Variants in DNA2 observed in about 807,000 individuals in gnomAD.
The protein encoded by DNA2 is DNA replication helicase/nuclease 2, also known as DNA replication ATP-dependent helicase/nuclease DNA2.
Under a neutral mutation model 119.1 loss-of-function variants are expected in DNA2, and 101 were observed. That is an observed-to-expected ratio of 0.85 (90% CI 0.72 to 1.00). The LOEUF (loss-of-function observed/expected upper bound fraction) is 1.00. Among genes scored for constraint, DNA2 ranks in the 50% least tolerant of loss-of-function variants. DNA2 has a pLI of 0.00. For synonymous variants in DNA2, 366 were observed against 424.4 expected (o/e 0.86, Z 1.69); for missense variants, 1,121 against 1,255.5 (o/e 0.89, Z 1.62).
intron 14 of DNA2, among the ~76,000 whole-genome samples, chr10:68,429,907 G>C (rs1176952470): frequency 7.7e-6 from 1 of 129,554 alleles, no homozygotes; most frequent in Non-Finnish European, 1.6e-5. Flanking sequence ...TTTTGAGCTG[G>C]AGTCTTGCAT....
intron 19 of DNA2, among the ~76,000 whole-genome samples, chr10:68,418,586 C>T (rs1316968679): frequency 6.6e-6 from 1 of 151,720 alleles, no homozygotes; most frequent in African/African-American, 2.4e-5. Context: ...ACCAGGTTCC[C>T]GCCCCTCACC....
chr10:68,430,440 C>T lies in DNA2; in HGVS notation c.2204G>A (p.Ser735Asn), dbSNP rs990660479. ...SLALLEELYNSQLIVATTCMG... is the reference protein window; with the variant it reads ...SLALLEELYNNQLIVATTCMG... ...TTATACAATAATTGTGCTTACTTGA[C>T]TATTGTAGAGTTCTTCTAGAAGAGC... is the stretch of plus-strand genomic sequence containing the variant. Residue 735 changes from serine to asparagine, a missense_variant, in exon 14 of 21, where the codon AGT (serine) becomes AAT (asparagine). Transcript: ENST00000358410. 4.4e-6 allele frequency: 7 copies of T among 1,585,950 alleles called. No homozygotes were observed. The East Asian group carries it at 1.6e-4, about 36-fold the overall frequency.
chr10:68,446,226 A>C, intron 7 of DNA2, 70 bp downstream of exon 7: 4 of 793,386 alleles, frequency 5.0e-6, no homozygotes, highest in Non-Finnish European at 8.3e-6. Flanking sequence ...GTCAGGTATA[A>C]ATATGTATCA....
intron 19 of DNA2, among the ~76,000 whole-genome samples, chr10:68,417,491 A>G (rs2051607432): frequency 6.6e-6 from 1 of 150,588 alleles, no homozygotes; most frequent in Non-Finnish European, 1.5e-5. Context: ...GGCTCTCTGC[A>G]AAAAATACAA....
At chr10:68,424,452 C>A in intron 14 of DNA2, 1 of 545,058 alleles carries the variant, frequency 1.8e-6, no homozygotes, top group Non-Finnish European at 3.3e-6. Context: ...TGCAGTGAGC[C>A]TTGATCATGC....
At chr10:68,452,363 G>A (rs1379132159) in intron 5 of DNA2, among the ~76,000 whole-genome samples, 1 of 151,938 alleles carries the variant, frequency 6.6e-6, no homozygotes, top group Non-Finnish European at 1.5e-5. Context: ...AAGATCCACT[G>A]CACTGGGTCT....
chr10:68,416,640 T>G, intron 20 of DNA2, 69 bp downstream of exon 20: 1 of 1,498,998 alleles, frequency 6.7e-7, no homozygotes, highest in Non-Finnish European at 9.2e-7. Flanking sequence ...AGAGCTTTAA[T>G]TTAAACAAGC....
At position 68,432,403 on chromosome 10, in the gene DNA2, G is replaced by GT. The variant is rs764343345; in HGVS notation, c.1753dup (p.Thr585AsnfsTer13). 1.9e-6 allele frequency: 3 copies of GT among 1,589,828 alleles called. No individual in the cohort carries two copies. Among genetic ancestry groups the GT allele is most frequent in the Non-Finnish European group, 2.6e-6 (3 of 1,163,322 alleles). ...GCTCATTGTTACAAACCTGACAAAC[G>GT]TGTTTTCCATCAATTTGGAAAGATT... is the stretch of plus-strand genomic sequence containing the variant. On this transcript the variant is annotated frameshift_variant, in exon 11 of 21. Coordinates refer to ENST00000358410, the MANE Select transcript of DNA2 (RefSeq NM_001080449.3). LOFTEE classifies it high-confidence loss of function.
chr10:68,456,477 C>T (rs903696809), intron 5 of DNA2, among the ~76,000 whole-genome samples: 2 of 152,134 alleles, frequency 1.3e-5, no homozygotes, highest in Non-Finnish European at 2.9e-5. Context: ...TGCAGTGGCA[C>T]GATCTCGGCT....
intron 7 of DNA2, among the ~76,000 whole-genome samples, chr10:68,445,447 G>A (rs1343879218): frequency 1.3e-5 from 2 of 151,812 alleles, no homozygotes; most frequent in Non-Finnish European, 2.9e-5. Context: ...TGGGTAACAA[G>A]AGCGAAACTC....
At chr10:68,450,741 G>A (rs974615672) in intron 5 of DNA2, among the ~76,000 whole-genome samples, 5 of 152,036 alleles carry the variant, frequency 3.3e-5, no homozygotes, top group East Asian at 1.9e-4. Context: ...CAATTATTAC[G>A]CAAATTAGTA....
intron 5 of DNA2, among the ~76,000 whole-genome samples, chr10:68,456,965 T>C (rs1255744963): frequency 1.3e-5 from 2 of 151,240 alleles, no homozygotes; most frequent in Non-Finnish European, 2.9e-5. Context: ...AAACCCCGGC[T>C]CTACTAAAAA....
chr10:68,441,157 AC>A (rs895494500), intron 9 of DNA2, among the ~76,000 whole-genome samples: 4 of 150,594 alleles, frequency 2.7e-5, no homozygotes, highest in Non-Finnish European at 2.9e-5. Flanking sequence ...ATATAGCAAG[AC>A]CCCATCTCTA....
At chr10:68,417,769 A>C (rs979132698) in intron 19 of DNA2, among the ~76,000 whole-genome samples, 6 of 152,204 alleles carry the variant, frequency 3.9e-5, no homozygotes, top group African/African-American at 1.4e-4. Flanking sequence ...CAACCATTCC[A>C]TCTGACAGAT....
chr10:68,422,447 G>T lies in DNA2; in HGVS notation c.2493-18C>A, dbSNP rs1484732064. On this transcript the variant is annotated intron_variant, in intron 16 of 20. Transcript: ENST00000358410. ...TAATTTTACTAAGGGAATTACAAAA[G>T]ATAACTTTAGTTTTGGTAGATGGAA... 1.9e-6 allele frequency: 3 copies of T among 1,612,658 alleles called. No homozygotes were observed. The African/African-American group carries it at 4.0e-5, about 22-fold the overall frequency.
At chr10:68,455,836 C>G (rs200778654) in intron 5 of DNA2, among the ~76,000 whole-genome samples, 1 of 113,766 alleles carries the variant, frequency 8.8e-6, no homozygotes, top group East Asian at 2.9e-4. Flanking sequence ...CAAAACAAAA[C>G]AAACAAACAA....
intron 4 of DNA2, among the ~76,000 whole-genome samples, chr10:68,461,880 C>T (rs1248662082): frequency 2.1e-5 from 3 of 142,734 alleles, no homozygotes; most frequent in Non-Finnish European, 4.6e-5. Flanking sequence ...TTTGAGGCTA[C>T]AGTGGGTGAT....
intron 17 of DNA2, among the ~76,000 whole-genome samples, chr10:68,421,220 G>C (rs1451401291): frequency 5.3e-5 from 8 of 152,094 alleles, no homozygotes. Flanking sequence ...ACAGGAGTGA[G>C]CCACTGTGCC....
chr10:68,440,178 C>A (rs1335725656), intron 9 of DNA2, among the ~76,000 whole-genome samples: 1 of 151,882 alleles, frequency 6.6e-6, no homozygotes, highest in Non-Finnish European at 1.5e-5. Context: ...GTGGCACGTG[C>A]CTGTAAACCC....
Sources: allele counts gnomAD v4.1 joint callset (sites outside exome capture counted in the v4.1 genomes callset), GRCh38; gene constraint gnomAD v4.1.1; transcripts MANE v1.5; gene names NCBI Gene and HGNC (gene_info 2026-07-23, HGNC 2026-07-21).